Variants in MYO1E observed in about 807,000 individuals in gnomAD.
MYO1E encodes myosin IE, also known as unconventional myosin-Ie.
In MYO1E, 68 loss-of-function variants were observed where a neutral mutation model predicts 151.1. The observed-to-expected ratio is 0.45, with a 90% confidence interval of 0.37 to 0.55. The LOEUF is 0.55. MYO1E is among the 20% of genes least tolerant of loss of function. The probability of loss-of-function intolerance (pLI) is 0.00; values close to 1 mark genes in which losing one functional copy is unlikely to be tolerated. For missense variants in MYO1E, 1,363 were observed against 1,389.3 expected, an observed-to-expected ratio of 0.98 and a Z score of 0.30; for synonymous variants, 601 against 501.7, an observed-to-expected ratio of 1.20 and a Z score of -2.64.
intron 19 of MYO1E, among the ~76,000 whole-genome samples, chr15:59,174,735 A>T (rs886417779): frequency 2.6e-5 from 4 of 152,102 alleles, no homozygotes; most frequent in African/African-American, 9.7e-5. Flanking sequence ...TTTCAGTTCC[A>T]AGAAAATATA....
intron 3 of MYO1E, among the ~76,000 whole-genome samples, chr15:59,257,194 G>A (rs2080198570): frequency 2.0e-5 from 3 of 152,166 alleles, no homozygotes; most frequent in Admixed American, 2.0e-4. Context: ...ATACTTTGTT[G>A]AGTATATATG....
At chr15:59,337,625 G>A (rs1166490581) in intron 1 of MYO1E, among the ~76,000 whole-genome samples, 1 of 152,218 alleles carries the variant, frequency 6.6e-6, no homozygotes, top group Non-Finnish European at 1.5e-5. Flanking sequence ...GAGGTCAAGA[G>A]TTCGAAACCA....
chr15:59,330,722 C>T (rs2080693025), intron 1 of MYO1E, among the ~76,000 whole-genome samples: 1 of 152,150 alleles, frequency 6.6e-6, no homozygotes, highest in South Asian at 2.1e-4. Context: ...CAGCAAACTA[C>T]AGCCCGTGAG....
intron 1 of MYO1E, among the ~76,000 whole-genome samples, chr15:59,289,983 G>A (rs947008647): frequency 5.9e-5 from 9 of 152,182 alleles, no homozygotes; most frequent in African/African-American, 2.2e-4. Flanking sequence ...CAATGTTTGG[G>A]GATCGGGGAA....
chr15:59,191,332 C>CAGAGAGAGAGAGAGAG (rs34694267), intron 17 of MYO1E, among the ~76,000 whole-genome samples: 1,256 of 105,572 alleles, frequency 0.012, 27 homozygotes, highest in African/African-American at 0.026. Flanking sequence ...CAGACAGAGA[C>CAGAGAGAGAGAGAGAG]AGAGAGAGAG....
chr15:59,286,170 G>A (rs1277202363), intron 1 of MYO1E, among the ~76,000 whole-genome samples: 1 of 152,224 alleles, frequency 6.6e-6, no homozygotes, highest in East Asian at 1.9e-4. Context: ...GTTATCAGCA[G>A]GCTGTGGCAG....
At chr15:59,180,845 T>C (rs1278052834) in intron 18 of MYO1E, among the ~76,000 whole-genome samples, 1 of 152,240 alleles carries the variant, frequency 6.6e-6, no homozygotes, top group African/African-American at 2.4e-5. Flanking sequence ...TGTGATAATT[T>C]TGGACAGATG....
chr15:59,325,429 C>T (rs751757688), intron 1 of MYO1E, among the ~76,000 whole-genome samples: 9 of 152,142 alleles, frequency 5.9e-5, no homozygotes, highest in Non-Finnish European at 7.3e-5. Flanking sequence ...GACTTAAATT[C>T]GTGCACAATG....
rs541337453 is a variant in MYO1E at position 59,159,682 on chromosome 15, GCTGT to G, written c.2786-1307_2786-1304del. Among the ~76,000 whole-genome samples the G allele has an allele frequency of 3.6e-4, 55 of 152,240 alleles. No individual in the cohort carries two copies. The East Asian group carries it at 7.7e-3, about 21-fold the overall frequency. On this transcript the variant is annotated intron_variant, in intron 24 of 27. Coordinates refer to ENST00000288235, the MANE Select transcript of MYO1E (RefSeq NM_004998.4). This position sits in a 1 kb window ranked among gnomAD's most constrained non-coding sequence, Gnocchi z 4.4. Reference sequence around the variant, plus strand: ...CGCTTCAGAAATCCCTCCAAAAGTTGCTGTCTGTTTTCTGCAAGTACTAACGGAT... The same window carrying G: ...CGCTTCAGAAATCCCTCCAAAAGTTGCTGTTTTCTGCAAGTACTAACGGAT...
intron 1 of MYO1E, among the ~76,000 whole-genome samples, chr15:59,287,287 G>A (rs1322760393): frequency 6.6e-6 from 1 of 152,226 alleles, no homozygotes; most frequent in Non-Finnish European, 1.5e-5. Flanking sequence ...AGCCCAGTTT[G>A]CAGAAGGCAA....
At chr15:59,259,222 G>C (rs776763097) in intron 3 of MYO1E, among the ~76,000 whole-genome samples, 3 of 152,166 alleles carry the variant, frequency 2.0e-5, no homozygotes, top group Non-Finnish European at 4.4e-5. Context: ...AGAAATAACA[G>C]AACAGTAGGG....
intron 1 of MYO1E, among the ~76,000 whole-genome samples, chr15:59,289,356 C>A (rs1400628208): frequency 6.6e-6 from 1 of 152,210 alleles, no homozygotes; most frequent in Non-Finnish European, 1.5e-5. Flanking sequence ...TGAGCCCTGA[C>A]CCTCTGGCAA....
chr15:59,217,568 C>G (rs980915512), intron 10 of MYO1E, among the ~76,000 whole-genome samples: 2 of 124,696 alleles, frequency 1.6e-5, no homozygotes, highest in Non-Finnish European at 3.2e-5. Context: ...CTCTAACCCC[C>G]AGGCTGGAGT....
At chr15:59,301,175 T>C (rs1376442558) in intron 1 of MYO1E, among the ~76,000 whole-genome samples, 1 of 152,216 alleles carries the variant, frequency 6.6e-6, no homozygotes. Context: ...GTTTTCCTTT[T>C]TAAATTTTAT....
chr15:59,166,799 G>T (rs2079565537), intron 22 of MYO1E, among the ~76,000 whole-genome samples: 1 of 152,164 alleles, frequency 6.6e-6, no homozygotes, highest in African/African-American at 2.4e-5. Context: ...CCTCAGCAGT[G>T]ACGTGTCCAG....
At chr15:59,191,254 G>A (rs1425427078) in intron 17 of MYO1E, among the ~76,000 whole-genome samples, 1 of 151,230 alleles carries the variant, frequency 6.6e-6, no homozygotes, top group Admixed American at 6.6e-5. Flanking sequence ...AGGAGTTCGA[G>A]ACCAGCCTGG....
intron 1 of MYO1E, among the ~76,000 whole-genome samples, chr15:59,351,640 GA>G (rs1286066398): frequency 6.6e-6 from 1 of 152,122 alleles, no homozygotes; most frequent in African/African-American, 2.4e-5. Flanking sequence ...GACCACTTAA[GA>G]AACGCTTATA....
chr15:59,308,838 CA>C (rs35012634), intron 1 of MYO1E, among the ~76,000 whole-genome samples: 71 of 145,120 alleles, frequency 4.9e-4, no homozygotes, highest in African/African-American at 1.5e-3. Context: ...AACTCCATCT[CA>C]AAAAAAAAAA....
intron 1 of MYO1E, among the ~76,000 whole-genome samples, chr15:59,277,084 C>T (rs1257785871): frequency 6.6e-6 from 1 of 152,138 alleles, no homozygotes; most frequent in East Asian, 1.9e-4. Flanking sequence ...TGTGTAAATA[C>T]AACAAGGTCC....
Sources: allele counts gnomAD v4.1 joint callset (sites outside exome capture counted in the v4.1 genomes callset), GRCh38; gene constraint gnomAD v4.1.1; non-coding constraint Gnocchi (gnomAD v3.1); transcripts MANE v1.5; gene names NCBI Gene and HGNC (gene_info 2026-07-23, HGNC 2026-07-21).